BABAM2: variants seen among roughly 807,000 people sequenced by gnomAD.
The protein encoded by BABAM2 is BRISC and BRCA1 A complex member 2.
BABAM2 carries 31 observed loss-of-function variants against 54.7 expected under a neutral mutation model. The ratio of observed to expected loss-of-function variants is 0.57; its 90% CI spans 0.43 to 0.77. The LOEUF is 0.77. Ranked by LOEUF, BABAM2 falls within the 30% of genes least tolerant of loss-of-function variation. BABAM2 has a pLI of 0.00. For synonymous variants in BABAM2, 167 were observed against 162.9 expected (o/e 1.03, Z -0.19); for missense variants, 364 against 455.8 (o/e 0.80, Z 1.83).
intron 7 of BABAM2, among the ~76,000 whole-genome samples, chr2:28,130,737 TTTTG>T (rs1212205693): frequency 2.6e-5 from 4 of 151,570 alleles, no homozygotes; most frequent in Non-Finnish European, 4.4e-5. Flanking sequence ...GTTTTTTGTT[TTTTG>T]TTTGTTTGTT....
intron 5 of BABAM2, among the ~76,000 whole-genome samples, chr2:28,041,206 C>CAT (rs911449740): frequency 3.9e-5 from 6 of 152,104 alleles, no homozygotes; most frequent in Admixed American, 6.5e-5. Context: ...TAAAATCAGG[C>CAT]ATATATATAT....
At chr2:28,035,283 G>A (rs565584868) in intron 5 of BABAM2, among the ~76,000 whole-genome samples, 3 of 152,126 alleles carry the variant, frequency 2.0e-5, no homozygotes, top group Non-Finnish European at 2.9e-5. Context: ...AGCGTGATAG[G>A]AGAGGAGGGC....
intron 3 of BABAM2, among the ~76,000 whole-genome samples, chr2:27,980,218 C>G (rs936307176): frequency 6.6e-6 from 1 of 151,960 alleles, no homozygotes; most frequent in African/African-American, 2.4e-5. Context: ...GCTTTTATTT[C>G]TTTGTTCTCC....
intron 7 of BABAM2, among the ~76,000 whole-genome samples, chr2:28,136,877 A>G (rs761960797): frequency 6.6e-6 from 1 of 152,204 alleles, no homozygotes; most frequent in African/African-American, 2.4e-5. Context: ...AATTAAAATA[A>G]TACTACTTAA....
At chr2:28,265,655 C>T (rs781527086) in intron 10 of BABAM2, among the ~76,000 whole-genome samples, 4 of 152,066 alleles carry the variant, frequency 2.6e-5, no homozygotes, top group Non-Finnish European at 5.9e-5. Context: ...CACACACACA[C>T]GACACACGTA....
Position 28,012,338 on chromosome 2 carries a change from G to A in BABAM2, c.301-12888G>A, listed in dbSNP as rs529260372. Among the ~76,000 whole-genome samples the A allele has an allele frequency of 1.2e-4, 19 of 152,252 alleles. No homozygotes were observed. In the East Asian group the frequency reaches 3.7e-3, roughly 29 times the overall value. On this transcript the variant is annotated intron_variant, in intron 4 of 11. Coordinates refer to ENST00000379624, the MANE Select transcript of BABAM2 (RefSeq NM_199191.3). ...CTGAGTAGCATTAATTGAGGTGTGT[G>A]GCATCAATAGCTAAGGTAAATGGTG...
At chr2:28,095,039 A>C (rs1258897496) in intron 6 of BABAM2, among the ~76,000 whole-genome samples, 2 of 152,000 alleles carry the variant, frequency 1.3e-5, no homozygotes, top group Non-Finnish European at 2.9e-5. Context: ...GCAAGTGAAT[A>C]ACCTTGTAAA....
rs912094757 is a variant in BABAM2, at chr2:28,329,887, A to T, written c.1089-8563A>T. ...TGGCAGAGATACAACAAAAAAAGAA[A>T]ATGTCAGGCCAATACTCCTGATGAA... On this transcript the variant is annotated intron_variant, in intron 11 of 11. Transcript: ENST00000379624. The surrounding 1 kb of genome is among the most constrained non-coding windows in gnomAD (Gnocchi z 4.2). Among the ~76,000 whole-genome samples, 1 of 152,180 alleles carries T rather than the reference A, an allele frequency of 6.6e-6. No individual in the cohort carries two copies. Among genetic ancestry groups the T allele is most frequent in the Non-Finnish European group, 1.5e-5 (1 of 68,040 alleles).
At chr2:27,918,531 T>G (rs948469002) in intron 2 of BABAM2, among the ~76,000 whole-genome samples, 8 of 152,164 alleles carry the variant, frequency 5.3e-5, no homozygotes, top group African/African-American at 1.9e-4. Flanking sequence ...CATTCATCCA[T>G]GGATGGACAC....
intron 10 of BABAM2, among the ~76,000 whole-genome samples, chr2:28,289,092 A>G (rs1299449191): frequency 6.6e-6 from 1 of 152,026 alleles, no homozygotes; most frequent in East Asian, 1.9e-4. Flanking sequence ...ACGATTATGT[A>G]AAACATATCC....
At chr2:28,214,967 A>G (rs995922366) in intron 7 of BABAM2, among the ~76,000 whole-genome samples, 3 of 152,162 alleles carry the variant, frequency 2.0e-5, no homozygotes, top group Non-Finnish European at 2.9e-5. Context: ...AATTTGGGAT[A>G]TGAATTCATA....
At chr2:28,094,902 CTCT>C (rs1285752225) in intron 6 of BABAM2, among the ~76,000 whole-genome samples, 1 of 149,274 alleles carries the variant, frequency 6.7e-6, no homozygotes, top group African/African-American at 2.5e-5. Context: ...ACGTAGCTCC[CTCT>C]TCTTTTTTTT....
At chr2:28,264,447 G>T (rs1465651318) in intron 10 of BABAM2, among the ~76,000 whole-genome samples, 2 of 152,164 alleles carry the variant, frequency 1.3e-5, no homozygotes, top group African/African-American at 4.8e-5. Flanking sequence ...CCTATGTCAG[G>T]CAAATTAAAA....
intron 10 of BABAM2, among the ~76,000 whole-genome samples, chr2:28,277,027 T>C (rs1475392455): frequency 6.6e-6 from 1 of 152,190 alleles, no homozygotes; most frequent in Non-Finnish European, 1.5e-5. Context: ...TGCAGCCTCA[T>C]GCTTGGCTAT....
intron 6 of BABAM2, among the ~76,000 whole-genome samples, chr2:28,101,845 C>T (rs1013617959): frequency 1.8e-4 from 28 of 152,102 alleles, no homozygotes; most frequent in African/African-American, 6.8e-4. Flanking sequence ...AGTTCAATCC[C>T]CTTGTAAGTT....
At chr2:28,143,559 A>G (rs1355897400) in intron 7 of BABAM2, among the ~76,000 whole-genome samples, 2 of 152,190 alleles carry the variant, frequency 1.3e-5, no homozygotes, top group African/African-American at 2.4e-5. Context: ...TTGTTTTACT[A>G]TAGTAATCAT....
At chr2:28,112,370 CT>C (rs1219892741) in intron 6 of BABAM2, among the ~76,000 whole-genome samples, 1 of 151,586 alleles carries the variant, frequency 6.6e-6, no homozygotes, top group Non-Finnish European at 1.5e-5. Flanking sequence ...CCCCTACCCC[CT>C]GACAGGCCCT....
chr2:28,128,674 G>A (rs376596232), intron 6 of BABAM2, among the ~76,000 whole-genome samples: 1 of 152,286 alleles, frequency 6.6e-6, no homozygotes, highest in African/African-American at 2.4e-5. Flanking sequence ...GATCAACAAT[G>A]TTTTGTCTTA....
intron 6 of BABAM2, among the ~76,000 whole-genome samples, chr2:28,112,214 C>T (rs1463756106): frequency 1.5e-3 from 182 of 118,134 alleles, no homozygotes; most frequent in African/African-American, 2.2e-3. Context: ...TTCCTTCCTT[C>T]CTTCCTTCCT....
Sources: allele counts gnomAD v4.1 joint callset (sites outside exome capture counted in the v4.1 genomes callset), GRCh38; gene constraint gnomAD v4.1.1; non-coding constraint Gnocchi (gnomAD v3.1); transcripts MANE v1.5; gene names NCBI Gene and HGNC (gene_info 2026-07-23, HGNC 2026-07-21).